KIR3DL1: variants seen among roughly 807,000 people sequenced by gnomAD.
The protein encoded by KIR3DL1 is killer cell immunoglobulin like receptor, three Ig domains and long cytoplasmic tail 1.
KIR3DL1 carries 50 observed loss-of-function variants against 40.3 expected under a neutral mutation model. The observed-to-expected ratio is 1.24, with a 90% CI of 0.99 to 1.57. The LOEUF is 1.57. KIR3DL1 is among the 40% of genes most tolerant of loss of function. KIR3DL1 has a pLI of 0.00. For synonymous variants in KIR3DL1, 257 were observed against 207.2 expected (o/e 1.24, Z -2.07); for missense variants, 661 against 559.9 (o/e 1.18, Z -1.82).
At chr19:54,830,369 C>G in exon 9 of KIR3DL1, 1 of 1,342,732 alleles carries the variant, frequency 7.4e-7, no homozygotes, top group African/African-American at 1.4e-5. Flanking sequence ...CAGCTGGAAT[C>G]TGAAGGCGTG....
rs374731318 is a variant in KIR3DL1 at position 54,828,284 on chromosome 19, G to A, written c.1001-1077G>A. ...GCAAGTTGTTTAACTCAAGAATGCC[G>A]TGGATGTAGAAATCCTAAAGCACAT... is the stretch of plus-strand genomic sequence containing the variant. On this transcript the variant is annotated intron_variant, in intron 6 of 8. Transcript: ENST00000391728. Among the ~76,000 whole-genome samples, 18 of 148,892 alleles carry A rather than the reference G, an allele frequency of 1.2e-4. 1 individual carries two copies. The South Asian group carries it at 1.3e-3, about 11-fold the overall frequency.
chr19:54,823,461 T>C (rs867804115), intron 5 of KIR3DL1, among the ~76,000 whole-genome samples: 4 of 144,642 alleles, frequency 2.8e-5, no homozygotes, highest in Middle Eastern at 7.1e-3. Flanking sequence ...GTTTTGCCTG[T>C]CTTGCAGTAA....
At chr19:54,821,839 A>G (rs1329575759) in exon 5 of KIR3DL1, 3 of 1,601,922 alleles carry the variant, frequency 1.9e-6, no homozygotes, top group African/African-American at 1.3e-5. Flanking sequence ...CGAGTGACCC[A>G]CTGCTTGTTT....
intron 5 of KIR3DL1, among the ~76,000 whole-genome samples, chr19:54,823,626 T>C (rs1009760961): frequency 6.6e-6 from 1 of 151,412 alleles, no homozygotes; most frequent in Non-Finnish European, 1.5e-5. Context: ...GCCTCCAAAG[T>C]AGCTGGGATT....
chr19:54,821,835 A>G, exon 5 of KIR3DL1: 2 of 1,602,382 alleles, frequency 1.2e-6, no homozygotes, highest in Non-Finnish European at 1.7e-6. Context: ...GACCCGAGTG[A>G]CCCACTGCTT....
At chr19:54,817,495 G>A (rs1369591377) in intron 1 of KIR3DL1, 39 bp from the exon 2 acceptor site, 3 of 1,459,126 alleles carry the variant, frequency 2.1e-6, no homozygotes, top group Non-Finnish European at 2.8e-6. Flanking sequence ...GCCCTGGTTT[G>A]CCTGCAGAGG....
At chr19:54,828,272 C>T (rs982969777) in intron 6 of KIR3DL1, among the ~76,000 whole-genome samples, 1 of 151,214 alleles carries the variant, frequency 6.6e-6, no homozygotes, top group Admixed American at 6.6e-5. Flanking sequence ...AGTTGTTTAA[C>T]TCAAGAATGC....
chr19:54,817,840 T>A (rs1290184937), intron 2 of KIR3DL1, among the ~76,000 whole-genome samples: 2 of 148,442 alleles, frequency 1.3e-5, no homozygotes, highest in Non-Finnish European at 3.0e-5. Flanking sequence ...GAAGCAGTGC[T>A]AGGAACAGCA....
At chr19:54,821,161 G>A (rs2061612977) in intron 4 of KIR3DL1, among the ~76,000 whole-genome samples, 1 of 150,074 alleles carries the variant, frequency 6.7e-6, no homozygotes, top group Non-Finnish European at 1.5e-5. Flanking sequence ...AATTGATAGA[G>A]AGATAGATAA....
exon 3 of KIR3DL1, chr19:54,818,321 A>C: frequency 6.3e-7 from 1 of 1,598,942 alleles, no homozygotes; most frequent in Non-Finnish European, 8.5e-7. Context: ...CCAGGTGGTC[A>C]GGACAAACCC....
Position 54,818,303 on chromosome 19 carries a change from C to T in KIR3DL1, c.71-12C>T. On this transcript the variant is annotated splice_polypyrimidine_tract_variant and intron_variant, in intron 2 of 8. Coordinates refer to ENST00000391728, the Ensembl canonical transcript of KIR3DL1. ...ATCCTCCTCTCTAAGGCAGTGCCTC[C>T]TTCTCCCCCAGGTGGTCAGGACAAA... 5 of 1,594,332 alleles carry T rather than the reference C, an allele frequency of 3.1e-6. No homozygotes were observed. The highest frequency in any genetic ancestry group is 4.3e-6 in the Non-Finnish European group (5 of 1,170,674).
At chr19:54,825,180 C>T (rs1352870546) in intron 6 of KIR3DL1, 102 bp downstream of exon 6, 1 of 801,750 alleles carries the variant, frequency 1.2e-6, no homozygotes, top group Non-Finnish European at 2.2e-6. Flanking sequence ...TGAATGAGGG[C>T]CTGTCTTCCA....
intron 6 of KIR3DL1, among the ~76,000 whole-genome samples, chr19:54,828,135 G>A (rs556394286): frequency 5.3e-5 from 8 of 150,936 alleles, no homozygotes; most frequent in East Asian, 1.9e-4. Context: ...TGTGTCTCCC[G>A]AGATCACAAA....
intron 6 of KIR3DL1, among the ~76,000 whole-genome samples, chr19:54,827,036 A>T (rs1212638453): frequency 2.6e-5 from 4 of 151,602 alleles, no homozygotes; most frequent in Admixed American, 6.6e-5. Context: ...AATCTAGGAG[A>T]CAGTGGAAAA....
chr19:54,819,779 T>C lies in KIR3DL1; in HGVS notation c.422T>C (p.Ile141Thr), dbSNP rs746058933. 5 of 1,611,296 alleles carry C rather than the reference T, an allele frequency of 3.1e-6. No homozygotes were observed. Among genetic ancestry groups the C allele is most frequent in the Non-Finnish European group, 4.2e-6 (5 of 1,178,976 alleles). Residue 141 changes from isoleucine to threonine, a missense_variant, in exon 4 of 9, where the codon ATC becomes ACC. Around this residue, in one of 3 missense-constraint regions of KIR3DL1, gnomAD observed 548 missense variants for 413.3 expected, o/e 1.33. Transcript: ENST00000391728. ...CTGGTGAAATCAGGAGAGAGAGTCA[T>C]CCTGCAATGTTGGTCAGATATCATG...
rs747672880 is a variant in KIR3DL1, at chr19:54,819,945, C to A, written c.588C>A (p.Tyr196Ter). The change falls in exon 4 of 9, where the codon TAC (tyrosine) becomes TAA (stop). Residue 196 changes from tyrosine (Y) to a stop codon, truncating the protein, a stop_gained. Coordinates refer to ENST00000391728, the Ensembl canonical transcript of KIR3DL1. LOFTEE classifies it high-confidence loss of function. Reference sequence around the variant, plus strand: ...CCCTTGCAGGGACCTACAGATGCTACGGTTCTGTTACTCACACCCCCTATC... The same window carrying A: ...CCCTTGCAGGGACCTACAGATGCTAAGGTTCTGTTACTCACACCCCCTATC... The A allele has an allele frequency of 1.2e-6, 2 of 1,611,886 alleles. 1 individual carries two copies. The highest frequency in any genetic ancestry group is 2.2e-5 in the South Asian group (2 of 90,678).
At chr19:54,816,821 G>C (rs1317737134) in intron 1 of KIR3DL1, among the ~76,000 whole-genome samples, 1 of 124,602 alleles carries the variant, frequency 8.0e-6, no homozygotes, top group Non-Finnish European at 1.6e-5. Context: ...TATGGGCCTG[G>C]AGGGGAGATG....
chr19:54,829,578 G>T lies in KIR3DL1; in HGVS notation c.1105+113G>T. On this transcript the variant is annotated intron_variant, in intron 7 of 8. Coordinates refer to ENST00000391728, the Ensembl canonical transcript of KIR3DL1. Reference sequence around the variant, plus strand: ...GGATGGTCCCTGGCCCAAGACAGGAGCCACAGAGGCAGGACTTTCTAGAGA... The same window carrying T: ...GGATGGTCCCTGGCCCAAGACAGGATCCACAGAGGCAGGACTTTCTAGAGA... 3 of 940,214 alleles carry T rather than the reference G, an allele frequency of 3.2e-6. 1 individual carries two copies. The highest frequency in any genetic ancestry group is 4.7e-6 in the Non-Finnish European group (3 of 633,108). 58.2% of individuals were successfully genotyped at this position (940,214 alleles called of 1,614,324 possible). A position where few individuals can be genotyped will look rare whatever the true frequency, so the allele number is the denominator to read the frequency against.
At position 54,817,292 on chromosome 19, in the gene KIR3DL1, A is replaced by G. The variant is rs2061397389; in HGVS notation, c.35-242A>G. Among the ~76,000 whole-genome samples, 3 of 145,862 alleles carry G rather than the reference A, an allele frequency of 2.1e-5. No individual in the cohort carries two copies. The South Asian group carries it at 6.8e-4, about 33-fold the overall frequency. On this transcript the variant is annotated intron_variant, in intron 1 of 8. Coordinates refer to ENST00000391728, the Ensembl canonical transcript of KIR3DL1. ...GGAGATATGGGCCTGGAGTGGAGAT[A>G]CGGACCTGGAGTGGAGATCTGGGCC... is the stretch of plus-strand genomic sequence containing the variant.
Sources: gnomAD v4.1 joint callset for allele counts (sites outside exome capture counted in the v4.1 genomes callset) on GRCh38, gnomAD v4.1.1 for gene constraint, gnomAD v4.1.1 regional missense constraint, MANE v1.5 for transcripts, NCBI Gene and HGNC (gene_info 2026-07-23, HGNC 2026-07-21) for gene names.